Variants in PLEKHA4 observed in about 807,000 individuals in gnomAD.
PLEKHA4 encodes the protein pleckstrin homology domain containing A4.
A neutral mutation model predicts 94.7 loss-of-function variants in PLEKHA4; 73 were observed. The observed-to-expected ratio is 0.77, with a 90% CI of 0.64 to 0.94. The LOEUF is 0.94. Ranked by LOEUF, PLEKHA4 falls within the 40% of genes least tolerant of loss-of-function variation. The pLI is 0.00. For synonymous variants in PLEKHA4, 449 were observed against 437.1 expected (o/e 1.03, Z -0.34); for missense variants, 1,049 against 1,054.1 (o/e 1.00, Z 0.07).
chr19:48,837,782 C>G lies in PLEKHA4; in HGVS notation c.2078-231G>C, dbSNP rs531937728. ...CGCCAGTCCAGTCCTCTTTGAGACT[C>G]AGTTGTCGGCCCTCTCCCCGCCCCC... On this transcript the variant is annotated intron_variant, in intron 19 of 19. Transcript: ENST00000263265. The surrounding 1 kb of genome is among the most constrained non-coding windows in gnomAD (Gnocchi z 4.3). 5.3e-5 allele frequency among the ~76,000 whole-genome samples: 8 copies of G among 151,616 alleles called. No individual in the cohort carries two copies. In the South Asian group the frequency reaches 6.3e-4, roughly 12 times the overall value.
Position 48,853,776 on chromosome 19 carries a change from C to G in PLEKHA4, c.1232G>C (p.Arg411Thr), listed in dbSNP as rs1360081162. ...LTRQQLGQAT[R>T]EAGAPGRAWG... Reference sequence around the variant, plus strand: ...GGCCCTCCCGGGAGCCCCAGCCTCCCTGGTGGCTTGGCCCAGCTGTTGCCG... The same window carrying G: ...GGCCCTCCCGGGAGCCCCAGCCTCCGTGGTGGCTTGGCCCAGCTGTTGCCG... The change falls in exon 12 of 20, where the codon AGG (arginine) becomes ACG (threonine). Residue 411 changes from arginine to threonine, a missense_variant. Arg to Thr is a moderately conservative substitution (Grantham distance 71). Coordinates refer to ENST00000263265, the MANE Select transcript of PLEKHA4 (RefSeq NM_020904.3). 9 of 1,613,446 alleles carry G rather than the reference C, an allele frequency of 5.6e-6. No individual in the cohort carries two copies. The highest frequency in any genetic ancestry group is 1.3e-5 in the African/African-American group (1 of 74,902).
chr19:48,850,541 T>A (rs1225100382), intron 13 of PLEKHA4, among the ~76,000 whole-genome samples: 3 of 150,312 alleles, frequency 2.0e-5, no homozygotes, highest in Admixed American at 6.7e-5. Context: ...AGAAGGGCTG[T>A]GTGCGGTGGC....
chr19:48,867,753 G>A lies in PLEKHA4; in HGVS notation c.-6-127C>T. ...CTGTTGTTTCGGGACTTGGGGGGCT[G>A]GGGGAGGCCATGGCCCGTGACCACA... On this transcript the variant is annotated intron_variant, in intron 1 of 19. Coordinates refer to ENST00000263265, the MANE Select transcript of PLEKHA4 (RefSeq NM_020904.3). This position sits in a 1 kb window ranked among gnomAD's most constrained non-coding sequence, Gnocchi z 4.7. 2.3e-6 allele frequency: 2 copies of A among 884,008 alleles called. No homozygotes were observed. Among genetic ancestry groups the A allele is most frequent in the Non-Finnish European group, 3.5e-6 (2 of 572,546 alleles). The allele number at this position is 884,008 out of a possible 1,614,324, so 54.8% of individuals were successfully genotyped here.
Position 48,838,040 on chromosome 19 carries a change from G to C in PLEKHA4, c.2054C>G (p.Ser685Trp). ...ACCTGTCATCATTCTGTGCCACTGC[G>C]ACGCCTCAGTAGCCAGGGCTTGGGA... ...SLSQALATEA[S>W]QWHRMMTGGN... The change falls in exon 19 of 20, where the codon TCG becomes TGG. Residue 685 changes from serine (S) to tryptophan (W), a missense_variant. Transcript: ENST00000263265. 1 of 1,613,522 alleles carries C rather than the reference G, an allele frequency of 6.2e-7. No individual in the cohort carries two copies.
intron 8 of PLEKHA4, among the ~76,000 whole-genome samples, chr19:48,858,371 C>T (rs1398008808): frequency 6.6e-6 from 1 of 152,056 alleles, no homozygotes; most frequent in African/African-American, 2.4e-5. Context: ...CCTGTAATCC[C>T]AGCACTTTGG....
chr19:48,837,961 G>T lies in PLEKHA4; in HGVS notation c.2077+56C>A. 7.0e-7 allele frequency: 1 copy of T among 1,419,462 alleles called. No individual in the cohort carries two copies. Among genetic ancestry groups the T allele is most frequent in the Non-Finnish European group, 9.9e-7 (1 of 1,013,154 alleles). The allele number at this position is 1,419,462 out of a possible 1,614,324, so 87.9% of individuals were successfully genotyped here. ...CTCCTCTCCAGGACCTGGGATTCCA[G>T]GTCTCCAGCTCTCTCCTCCCTAAAA... On this transcript the variant is annotated intron_variant, in intron 19 of 19. Coordinates refer to ENST00000263265, the MANE Select transcript of PLEKHA4 (RefSeq NM_020904.3). This position sits in a 1 kb window ranked among gnomAD's most constrained non-coding sequence, Gnocchi z 4.3.
In PLEKHA4 at chr19:48,865,455, G is replaced by A. The variant is rs200465655; in HGVS notation, c.192+48C>T. 14 of 1,447,774 alleles carry A rather than the reference G, an allele frequency of 9.7e-6. No homozygotes were observed. The East Asian group carries it at 3.0e-4, about 31-fold the overall frequency. 89.7% of individuals were successfully genotyped at this position (1,447,774 alleles called of 1,614,324 possible). The stretch of plus-strand genomic sequence containing the variant: ...CTTGCAAGGAGAGAGACAGAGGACA[G>A]CCGGGGCACAGACTTCAGTGTCCTT... On this transcript the variant is annotated intron_variant, in intron 3 of 19. Coordinates refer to ENST00000263265, the MANE Select transcript of PLEKHA4 (RefSeq NM_020904.3).
At chr19:48,865,123 C>G (rs1330249400) in intron 3 of PLEKHA4, among the ~76,000 whole-genome samples, 1 of 152,062 alleles carries the variant, frequency 6.6e-6, no homozygotes, top group Non-Finnish European at 1.5e-5. Flanking sequence ...GCGGGTGGAT[C>G]ACTTGAGGTC....
intron 3 of PLEKHA4, 147 bp downstream of exon 3, chr19:48,865,356 T>G (rs12151238): frequency 3.4e-6 from 2 of 595,264 alleles, no homozygotes; most frequent in Non-Finnish European, 6.0e-6. Context: ...AATAAATAAA[T>G]AAACAAACAA....
At position 48,860,899 on chromosome 19, in the gene PLEKHA4, TGGAAA is replaced by T. The variant is rs368964169; in HGVS notation, c.367-445_367-441del. 2.5e-3 allele frequency among the ~76,000 whole-genome samples: 275 copies of T among 108,340 alleles called. 1 individual carries two copies. Among genetic ancestry groups the T allele is most frequent in the African/African-American group, 5.7e-3 (200 of 35,238 alleles). 71.1% of individuals were successfully genotyped at this position (108,340 alleles called of 152,430 possible). On this transcript the variant is annotated intron_variant, in intron 5 of 19. Coordinates refer to ENST00000263265, the MANE Select transcript of PLEKHA4 (RefSeq NM_020904.3). ...AAAAGGAAAGGAAAGGAAAGGAAAA[TGGAAA>T]GGAAAGGAAAGGAAAGGACTGGACA... is the stretch of plus-strand genomic sequence containing the variant.
intron 13 of PLEKHA4, 98 bp downstream of exon 13, chr19:48,852,130 G>A (rs1429531624): frequency 3.3e-6 from 3 of 904,740 alleles, no homozygotes; most frequent in Non-Finnish European, 3.6e-6. Context: ...CAACTGGGCG[G>A]GGCCTCGATT....
chr19:48,859,230 C>A, intron 7 of PLEKHA4, 91 bp from the exon 8 acceptor site: 1 of 1,066,176 alleles, frequency 9.4e-7, no homozygotes, highest in South Asian at 1.4e-5. Context: ...GGACATGTCT[C>A]ACTTCACTGT....
chr19:48,853,622 G>T, intron 12 of PLEKHA4, 60 bp downstream of exon 12: 1 of 1,409,156 alleles, frequency 7.1e-7, no homozygotes, highest in Non-Finnish European at 9.2e-7. Flanking sequence ...GGTCCCCTTC[G>T]TAACGACTTG....
chr19:48,848,796 CAAAAAAAAAA>C (rs34068951), intron 13 of PLEKHA4, among the ~76,000 whole-genome samples: 1 of 107,238 alleles, frequency 9.3e-6, no homozygotes, highest in Non-Finnish European at 2.0e-5. Context: ...GACACTGTCT[CAAAAAAAAAA>C]AAAAGAAAAA....
At chr19:48,841,025 A>T (rs1216356964) in intron 17 of PLEKHA4, 124 bp downstream of exon 17, 2 of 1,029,178 alleles carry the variant, frequency 1.9e-6, no homozygotes, top group African/African-American at 3.2e-5. Flanking sequence ...AACTGGGGTA[A>T]ATTCGGAAAT....
chr19:48,852,274 G>T lies in PLEKHA4; in HGVS notation c.1379C>A (p.Thr460Asn), dbSNP rs140398029. 41 of 1,614,020 alleles carry T rather than the reference G, an allele frequency of 2.5e-5. No individual in the cohort carries two copies. In the African/African-American group the frequency reaches 4.7e-4, roughly 18 times the overall value. Residue 460 changes from threonine (T) to asparagine (N), a missense_variant, in exon 13 of 20, where the codon ACC (threonine) becomes AAC (asparagine). Coordinates refer to ENST00000263265, the MANE Select transcript of PLEKHA4 (RefSeq NM_020904.3). The stretch of plus-strand genomic sequence containing the variant: ...CAGGTACTCCAGCGTCTCTCTTAAG[G>T]TGCCCAGCTCCTGCTCCAGGCCACT... ...TYSGLEQELG[T>N]LRETLEYLLH...
intron 5 of PLEKHA4, 103 bp from the exon 6 acceptor site, chr19:48,860,562 C>T (rs2036596562): frequency 3.6e-6 from 3 of 833,168 alleles, no homozygotes; most frequent in African/African-American, 1.7e-5. Flanking sequence ...TTTGGGAGGC[C>T]GATGCGGGAG....
At chr19:48,842,673 C>A (rs1436814791) in intron 16 of PLEKHA4, among the ~76,000 whole-genome samples, 1 of 152,198 alleles carries the variant, frequency 6.6e-6, no homozygotes, top group Non-Finnish European at 1.5e-5. Context: ...CCTCTCTGAT[C>A]CAGAGAAACC....
intron 13 of PLEKHA4, 86 bp from the exon 14 acceptor site, chr19:48,848,126 C>T: frequency 5.8e-6 from 8 of 1,372,510 alleles, no homozygotes; most frequent in Non-Finnish European, 7.1e-6. Context: ...GGTCTGAAAT[C>T]AGCTGGGCTA....
Sources: gnomAD v4.1 joint callset for allele counts (sites outside exome capture counted in the v4.1 genomes callset) on GRCh38, gnomAD v4.1.1 for gene constraint, Gnocchi (gnomAD v3.1) non-coding constraint, MANE v1.5 for transcripts, NCBI Gene and HGNC (gene_info 2026-07-23, HGNC 2026-07-21) for gene names.